The following COBLL1 variants were observed in gnomAD, a reference collection of about 807,000 sequenced individuals.
COBLL1 encodes cordon-bleu protein-like 1.
COBLL1 carries 50 observed loss-of-function variants against 94.8 expected under a neutral mutation model. The ratio of observed to expected loss-of-function variants is 0.53; its 90% CI spans 0.42 to 0.67. COBLL1 has a LOEUF of 0.67. COBLL1 is among the 30% of genes least tolerant of loss of function. The probability of loss-of-function intolerance (pLI) is 0.00; values close to 1 mark genes in which losing one functional copy is unlikely to be tolerated. For missense variants in COBLL1, 1,362 were observed against 1,348.7 expected (o/e 1.01, Z -0.15); for synonymous variants, 448 against 473.8 (o/e 0.95, Z 0.71).
chr2:164,790,903 C>T (rs1683155654), intron 2 of COBLL1, among the ~76,000 whole-genome samples: 1 of 152,164 alleles, frequency 6.6e-6, no homozygotes, highest in South Asian at 2.1e-4. Context: ...GTTTAGGCAC[C>T]TGAGCTAAGA....
intron 2 of COBLL1, among the ~76,000 whole-genome samples, chr2:164,803,331 C>G (rs1451152310): frequency 6.6e-6 from 1 of 151,846 alleles, no homozygotes; most frequent in Non-Finnish European, 1.5e-5. Flanking sequence ...TTTGGGAGGC[C>G]GAGGCGGGCG....
intron 1 of COBLL1, among the ~76,000 whole-genome samples, chr2:164,670,761 A>G (rs960311535): frequency 6.6e-6 from 1 of 152,184 alleles, no homozygotes; most frequent in African/African-American, 2.4e-5. Context: ...GCAACAGAGA[A>G]GAGAGGCCAA....
chr2:164,734,151 TAGAGAGA>T (rs1406596319), intron 3 of COBLL1, among the ~76,000 whole-genome samples: 1 of 149,622 alleles, frequency 6.7e-6, no homozygotes, highest in Non-Finnish European at 1.5e-5. Flanking sequence ...GAAACTGATC[TAGAGAGA>T]AGAGAAAAAA....
intron 2 of COBLL1, among the ~76,000 whole-genome samples, chr2:164,788,097 G>A (rs190227619): frequency 6.6e-6 from 1 of 152,222 alleles, no homozygotes; most frequent in Non-Finnish European, 1.5e-5. Flanking sequence ...CCACATAAGT[G>A]GGCACTGATT....
chr2:164,753,521 A>T (rs2105592667), intron 2 of COBLL1, among the ~76,000 whole-genome samples: 1 of 152,238 alleles, frequency 6.6e-6, no homozygotes, highest in African/African-American at 2.4e-5. Context: ...TACTCTTTCA[A>T]GTACCTTGTC....
At chr2:164,776,986 T>C (rs1688496811) in intron 2 of COBLL1, among the ~76,000 whole-genome samples, 1 of 152,146 alleles carries the variant, frequency 6.6e-6, no homozygotes, top group Non-Finnish European at 1.5e-5. Flanking sequence ...ATATACACTT[T>C]ACCTAGTTTC....
At chr2:164,818,272 GTATGTATA>G (rs1684907289) in intron 2 of COBLL1, among the ~76,000 whole-genome samples, 1 of 116,694 alleles carries the variant, frequency 8.6e-6, no homozygotes, top group African/African-American at 3.4e-5. Flanking sequence ...ATACACGTAT[GTATGTATA>G]CATATATGTA....
chr2:164,666,135 A>G (rs777034230), intron 1 of COBLL1, among the ~76,000 whole-genome samples: 1 of 152,180 alleles, frequency 6.6e-6, no homozygotes, highest in Non-Finnish European at 1.5e-5. Context: ...TTATATGTCA[A>G]TTAGAAAATA....
rs76563078 is a variant in COBLL1 at position 164,787,178 on chromosome 2, T to C, written c.42-43303A>G. On this transcript the variant is annotated intron_variant, in intron 2 of 13. Coordinates refer to ENST00000652658, the MANE Select transcript of COBLL1 (RefSeq NM_001365672.2). ...CTTAGTGCTGTCACCACTCTCTAAA[T>C]TTCAGTCCCCATATTGATAAACCAT... Among the ~76,000 whole-genome samples, 1,375 of 152,274 alleles carry C rather than the reference T, an allele frequency of 9.0e-3. 20 individuals are homozygous for C. Among genetic ancestry groups the C allele is most frequent in the African/African-American group, 0.031 (1,307 of 41,532 alleles).
chr2:164,687,340 C>T, intron 13 of COBLL1: 1 of 680,024 alleles, frequency 1.5e-6, no homozygotes, highest in Admixed American at 2.0e-5. Flanking sequence ...ATGTACTTGA[C>T]CCCACAGCCA....
At chr2:164,837,463 C>T (rs1328992819) in intron 2 of COBLL1, 1 of 465,534 alleles carries the variant, frequency 2.1e-6, no homozygotes, top group Non-Finnish European at 4.4e-6. Context: ...TGCAGCATTT[C>T]AATTTTCCAA....
chr2:164,822,734 A>ATTAT (rs1444625067), intron 2 of COBLL1, among the ~76,000 whole-genome samples: 10 of 139,480 alleles, frequency 7.2e-5, no homozygotes, highest in South Asian at 2.4e-4. Flanking sequence ...AGATTATATT[A>ATTAT]TATTATTATT....
intron 2 of COBLL1, among the ~76,000 whole-genome samples, chr2:164,781,441 A>G (rs945635638): frequency 6.6e-6 from 1 of 152,236 alleles, no homozygotes; most frequent in African/African-American, 2.4e-5. Context: ...CTTTGGTATC[A>G]TCATGGTCAA....
intron 2 of COBLL1, among the ~76,000 whole-genome samples, chr2:164,804,504 A>T (rs1683988563): frequency 6.6e-6 from 1 of 152,218 alleles, no homozygotes; most frequent in Admixed American, 6.5e-5. Context: ...TTAAAGGTGA[A>T]TATAAATCTT....
At chr2:164,709,586 T>C (rs886399785) in intron 7 of COBLL1, among the ~76,000 whole-genome samples, 17 of 152,102 alleles carry the variant, frequency 1.1e-4, no homozygotes, top group African/African-American at 4.1e-4. Flanking sequence ...GGTATGGTGG[T>C]GTGTGCCTGT....
rs1377930103 is a variant in COBLL1 at position 164,841,208 on chromosome 2, G to A, written c.-12C>T. On this transcript the variant is annotated 5_prime_UTR_variant, in exon 2 of 14. Transcript: ENST00000652658. This position sits in a 1 kb window ranked among gnomAD's most constrained non-coding sequence, Gnocchi z 5.5. ...GTTCGGCCGTCCATCGCCCTGCGGGGCGCTGCGCGGGCTCCAGCTCCCAGG... is the reference window on the plus strand; with the variant it reads ...GTTCGGCCGTCCATCGCCCTGCGGGACGCTGCGCGGGCTCCAGCTCCCAGG... 9.7e-6 allele frequency: 12 copies of A among 1,231,876 alleles called. No individual in the cohort carries two copies. The East Asian group carries it at 1.6e-4, about 16-fold the overall frequency. 76.3% of individuals were successfully genotyped at this position (1,231,876 alleles called of 1,614,324 possible).
intron 2 of COBLL1, among the ~76,000 whole-genome samples, chr2:164,816,513 A>C (rs1236819257): frequency 6.6e-6 from 1 of 152,198 alleles, no homozygotes; most frequent in Non-Finnish European, 1.5e-5. Context: ...GCAGTGTATT[A>C]AGTTTTTAAA....
intron 7 of COBLL1, among the ~76,000 whole-genome samples, chr2:164,714,114 A>G (rs898763071): frequency 2.0e-5 from 3 of 151,604 alleles, no homozygotes; most frequent in Non-Finnish European, 2.9e-5. Context: ...CCAGGTCAGG[A>G]CTTCTTCTTT....
chr2:164,820,480 C>G (rs975062924), intron 2 of COBLL1, among the ~76,000 whole-genome samples: 1 of 152,174 alleles, frequency 6.6e-6, no homozygotes, highest in African/African-American at 2.4e-5. Flanking sequence ...CTTGGCCTCC[C>G]AAAGTGCTGG....
Sources: gnomAD v4.1 joint callset for allele counts (sites outside exome capture counted in the v4.1 genomes callset) on GRCh38, gnomAD v4.1.1 for gene constraint, Gnocchi (gnomAD v3.1) non-coding constraint, MANE v1.5 for transcripts, NCBI Gene and HGNC (gene_info 2026-07-23, HGNC 2026-07-21) for gene names.